TMEM132D: variants seen among roughly 807,000 people sequenced by gnomAD.
TMEM132D encodes transmembrane protein 132D.
A neutral mutation model predicts 62.3 loss-of-function variants in TMEM132D; 21 were observed. The observed-to-expected ratio is 0.34, with a 90% CI of 0.24 to 0.49. TMEM132D has a LOEUF of 0.49. Among genes scored for constraint, TMEM132D ranks in the 20% least tolerant of loss-of-function variants. The pLI is 0.99. For synonymous variants in TMEM132D, 621 were observed against 575.6 expected (o/e 1.08, Z -1.13); for missense variants, 1,346 against 1,402.8 (o/e 0.96, Z 0.65).
At chr12:129,828,894 T>C (rs1482242179) in intron 1 of TMEM132D, among the ~76,000 whole-genome samples, 1 of 150,326 alleles carries the variant, frequency 6.7e-6, no homozygotes, top group Non-Finnish European at 1.5e-5. Flanking sequence ...CAGGCAAAAT[T>C]ATCTATCCCA....
At chr12:129,278,050 T>C (rs56915308) in intron 4 of TMEM132D, among the ~76,000 whole-genome samples, 1,595 of 152,040 alleles carry the variant, frequency 0.01, 32 homozygotes, top group African/African-American at 0.037. Context: ...CAAGGATGAG[T>C]CTTCTCAAAG....
intron 3 of TMEM132D, among the ~76,000 whole-genome samples, chr12:129,515,086 A>G (rs1021599186): frequency 2.6e-5 from 4 of 152,170 alleles, no homozygotes; most frequent in African/African-American, 9.7e-5. Context: ...CCAGTTCAGC[A>G]TATTTCCAAT....
At chr12:129,085,984 C>G (rs1234134174) in intron 5 of TMEM132D, 1 of 152,226 alleles carries the variant, frequency 6.6e-6, no homozygotes, top group East Asian at 1.9e-4. Context: ...CATCCTCATC[C>G]TTGGTATCTA....
chr12:129,604,947 G>A (rs762597745), intron 2 of TMEM132D, among the ~76,000 whole-genome samples: 2 of 152,180 alleles, frequency 1.3e-5, no homozygotes, highest in African/African-American at 2.4e-5. Context: ...CAGTGAACAA[G>A]AGGAGATGCA....
chr12:129,715,378 G>A (rs966887057), intron 1 of TMEM132D, among the ~76,000 whole-genome samples: 4 of 152,196 alleles, frequency 2.6e-5, no homozygotes, highest in South Asian at 2.1e-4. Context: ...GTGCCTTATC[G>A]TTTCACGGGT....
At chr12:129,671,990 C>T (rs954543825) in intron 2 of TMEM132D, among the ~76,000 whole-genome samples, 7 of 152,126 alleles carry the variant, frequency 4.6e-5, no homozygotes, top group Non-Finnish European at 1.5e-5. Context: ...CGCTGCAGAC[C>T]CCAGGCTGCT....
intron 1 of TMEM132D, among the ~76,000 whole-genome samples, chr12:129,790,406 A>G (rs1460818001): frequency 6.6e-6 from 1 of 152,162 alleles, no homozygotes; most frequent in African/African-American, 2.4e-5. Context: ...TTTATTGCCA[A>G]TGAAAGCGGC....
intron 1 of TMEM132D, among the ~76,000 whole-genome samples, chr12:129,773,078 G>A (rs919667055): frequency 3.3e-5 from 5 of 152,182 alleles, no homozygotes; most frequent in Non-Finnish European, 5.9e-5. Context: ...TGCTTTTCTG[G>A]GCAGCAGCCA....
chr12:129,150,572 TG>T (rs1877043397), intron 5 of TMEM132D, among the ~76,000 whole-genome samples: 1 of 152,010 alleles, frequency 6.6e-6, no homozygotes, highest in Non-Finnish European at 1.5e-5. Context: ...CTTAGCAGGG[TG>T]AAGGAAACCT....
At chr12:129,100,056 T>A (rs1437025098) in intron 5 of TMEM132D, among the ~76,000 whole-genome samples, 1 of 151,726 alleles carries the variant, frequency 6.6e-6, no homozygotes, top group Non-Finnish European at 1.5e-5. Context: ...TATCTTTTTT[T>A]TTGGGACAGA....
At chr12:129,880,505 A>G (rs968155656) in intron 1 of TMEM132D, among the ~76,000 whole-genome samples, 3 of 152,202 alleles carry the variant, frequency 2.0e-5, no homozygotes, top group African/African-American at 7.2e-5. Context: ...AAATAACTGT[A>G]TGAAGCCAAA....
chr12:129,553,029 C>T (rs1024524270), intron 2 of TMEM132D, among the ~76,000 whole-genome samples: 4 of 152,186 alleles, frequency 2.6e-5, no homozygotes, highest in Non-Finnish European at 5.9e-5. Context: ...GTCACGCCAC[C>T]ATCCGAGCCC....
chr12:129,651,885 A>G (rs1294298183), intron 2 of TMEM132D, among the ~76,000 whole-genome samples: 1 of 152,182 alleles, frequency 6.6e-6, no homozygotes, highest in Non-Finnish European at 1.5e-5. Flanking sequence ...ATTGCAAAAG[A>G]CTTCAGTAAA....
At chr12:129,776,268 A>G (rs1425220431) in intron 1 of TMEM132D, among the ~76,000 whole-genome samples, 1 of 152,106 alleles carries the variant, frequency 6.6e-6, no homozygotes, top group African/African-American at 2.4e-5. Flanking sequence ...CATGAGATAC[A>G]AGGTGAGAGT....
chr12:129,849,600 T>C (rs575006596), intron 1 of TMEM132D, among the ~76,000 whole-genome samples: 2 of 152,290 alleles, frequency 1.3e-5, no homozygotes, highest in South Asian at 4.1e-4. Flanking sequence ...AAGTTTTGGC[T>C]TCATCATTTA....
intron 1 of TMEM132D, among the ~76,000 whole-genome samples, chr12:129,842,167 C>A (rs538895037): frequency 1.5e-5 from 2 of 132,440 alleles, no homozygotes; most frequent in African/African-American, 5.9e-5. Flanking sequence ...CCAGGATGGT[C>A]TCGATCTCCT....
intron 2 of TMEM132D, among the ~76,000 whole-genome samples, chr12:129,678,181 C>A (rs2137205831): frequency 6.6e-6 from 1 of 152,130 alleles, no homozygotes; most frequent in South Asian, 2.1e-4. Context: ...TCTCAGACAC[C>A]TTAGAAGTGG....
Position 129,161,759 on chromosome 12 carries a change from A to C in TMEM132D, c.1443+47761T>G, listed in dbSNP as rs1877406322. On this transcript the variant is annotated intron_variant, in intron 5 of 8. Coordinates refer to ENST00000422113, the MANE Select transcript of TMEM132D (RefSeq NM_133448.3). The stretch of plus-strand genomic sequence containing the variant: ...TATTTTGCCATGTCAGAATTGCTTA[A>C]TTCTGAAAATATAGTGTGGGCAGGC... Among the ~76,000 whole-genome samples, 6 of 152,294 alleles carry C rather than the reference A, an allele frequency of 3.9e-5. No individual in the cohort carries two copies. In the South Asian group the frequency reaches 1.2e-3, roughly 32 times the overall value.
At position 129,599,016 on chromosome 12, in the gene TMEM132D, G is replaced by C. The variant is rs139604835; in HGVS notation, c.969-67811C>G. On this transcript the variant is annotated intron_variant, in intron 2 of 8. Coordinates refer to ENST00000422113, the MANE Select transcript of TMEM132D (RefSeq NM_133448.3). The stretch of plus-strand genomic sequence containing the variant: ...TTATACTTCTGAAGGAGTTTGGAGA[G>C]AATCTCTTTCCCCTGGGGTTGTTGA... 4.1e-3 allele frequency among the ~76,000 whole-genome samples: 623 copies of C among 152,290 alleles called. 2 individuals are homozygous for C. The highest frequency in any genetic ancestry group is 0.014 in the African/African-American group (590 of 41,574).
Sources: gnomAD v4.1 joint callset for allele counts (sites outside exome capture counted in the v4.1 genomes callset) on GRCh38, gnomAD v4.1.1 for gene constraint, MANE v1.5 for transcripts, NCBI Gene and HGNC (gene_info 2026-07-23, HGNC 2026-07-21) for gene names.